RIMS1: variants seen among roughly 807,000 people sequenced by gnomAD.
RIMS1 encodes the protein regulating synaptic membrane exocytosis protein 1.
Under a neutral mutation model 214.1 loss-of-function variants are expected in RIMS1, and 83 were observed. The observed-to-expected ratio is 0.39, with a 90% CI of 0.32 to 0.47. The LOEUF is 0.47. RIMS1 is among the 20% of genes least tolerant of loss of function. The probability of loss-of-function intolerance (pLI) is 0.99; values close to 1 mark genes in which losing one functional copy is unlikely to be tolerated. For synonymous variants in RIMS1, 793 were observed against 786.8 expected (o/e 1.01, Z -0.13); for missense variants, 2,050 against 2,161.8 (o/e 0.95, Z 1.03).
At chr6:72,379,192 G>A (rs1025304904) in intron 29 of RIMS1, among the ~76,000 whole-genome samples, 1 of 152,226 alleles carries the variant, frequency 6.6e-6, no homozygotes, top group African/African-American at 2.4e-5. Flanking sequence ...GGCACACACA[G>A]ATAGTGTTTA....
At chr6:72,266,273 T>G in intron 22 of RIMS1, 1 of 555,232 alleles carries the variant, frequency 1.8e-6, no homozygotes, top group Non-Finnish European at 3.2e-6. Context: ...TTGTTGCAAA[T>G]GGCGTGGTGT....
At chr6:71,973,204 G>C (rs9446522) in intron 2 of RIMS1, among the ~76,000 whole-genome samples, 2 of 152,052 alleles carry the variant, frequency 1.3e-5, no homozygotes, top group African/African-American at 4.8e-5. Context: ...CACTGCGCCC[G>C]GACAGTAATA....
At chr6:72,013,071 G>T (rs551607546) in intron 2 of RIMS1, among the ~76,000 whole-genome samples, 1 of 152,258 alleles carries the variant, frequency 6.6e-6, no homozygotes, top group East Asian at 1.9e-4. Context: ...CACTGCTAGG[G>T]TGGATTTTAT....
At chr6:72,218,097 G>A (rs1323266082) in intron 6 of RIMS1, among the ~76,000 whole-genome samples, 1 of 71,838 alleles carries the variant, frequency 1.4e-5, no homozygotes, top group African/African-American at 5.1e-5. Flanking sequence ...TAAATACAGC[G>A]GTTTTTTTGC....
intron 4 of RIMS1, among the ~76,000 whole-genome samples, chr6:72,119,061 A>G (rs1216508901): frequency 6.6e-6 from 1 of 151,746 alleles, no homozygotes; most frequent in Non-Finnish European, 1.5e-5. Flanking sequence ...ATATGATTGT[A>G]TACCTAAAAA....
intron 26 of RIMS1, among the ~76,000 whole-genome samples, chr6:72,292,896 T>G (rs2093609590): frequency 6.6e-6 from 1 of 152,118 alleles, no homozygotes; most frequent in African/African-American, 2.4e-5. Flanking sequence ...ATGAAACAAC[T>G]GAAAGGTTAA....
intron 6 of RIMS1, among the ~76,000 whole-genome samples, chr6:72,209,381 G>A (rs2053447769): frequency 6.6e-6 from 1 of 152,114 alleles, no homozygotes; most frequent in Non-Finnish European, 1.5e-5. Flanking sequence ...TTATGAAAGA[G>A]GTTCTCAATC....
intron 28 of RIMS1, among the ~76,000 whole-genome samples, chr6:72,321,779 T>G (rs560967664): frequency 6.6e-5 from 10 of 152,224 alleles, no homozygotes; most frequent in African/African-American, 2.4e-4. Context: ...TTATCTAAGA[T>G]TTTTTTGTTC....
At chr6:72,213,692 C>T (rs1478461243) in intron 6 of RIMS1, among the ~76,000 whole-genome samples, 1 of 152,086 alleles carries the variant, frequency 6.6e-6, no homozygotes, top group Non-Finnish European at 1.5e-5. Context: ...AAGTTTGTGT[C>T]ACTTTTTTAA....
At chr6:72,229,251 T>C (rs2061228891) in intron 6 of RIMS1, among the ~76,000 whole-genome samples, 1 of 87,246 alleles carries the variant, frequency 1.1e-5, no homozygotes, top group African/African-American at 5.7e-5. Flanking sequence ...GGCCTGAATT[T>C]AGAATAAAAT....
At chr6:72,208,255 G>T (rs936961957) in intron 6 of RIMS1, among the ~76,000 whole-genome samples, 1 of 152,134 alleles carries the variant, frequency 6.6e-6, no homozygotes, top group African/African-American at 2.4e-5. Flanking sequence ...CTGCTCATCT[G>T]TTCATTAAGT....
chr6:72,285,318 T>C (rs2091919236), intron 24 of RIMS1, among the ~76,000 whole-genome samples: 1 of 152,150 alleles, frequency 6.6e-6, no homozygotes, highest in African/African-American at 2.4e-5. Flanking sequence ...GCTATCTCAA[T>C]AGGCCTAGTA....
At chr6:72,014,729 T>C (rs1014310526) in intron 2 of RIMS1, among the ~76,000 whole-genome samples, 1 of 152,358 alleles carries the variant, frequency 6.6e-6, no homozygotes, top group Admixed American at 6.5e-5. Context: ...ATGAGTTATC[T>C]AATTTTTCCA....
At chr6:72,102,989 A>C (rs2033946657) in intron 4 of RIMS1, among the ~76,000 whole-genome samples, 1 of 152,064 alleles carries the variant, frequency 6.6e-6, no homozygotes, top group African/African-American at 2.4e-5. Context: ...ACCCACTTTT[A>C]TGTTTTCTTC....
At chr6:71,992,956 T>C (rs2151632679) in intron 2 of RIMS1, among the ~76,000 whole-genome samples, 1 of 152,340 alleles carries the variant, frequency 6.6e-6, no homozygotes, top group African/African-American at 2.4e-5. Flanking sequence ...CCACCATGTC[T>C]GGCCTTTGTC....
intron 28 of RIMS1, among the ~76,000 whole-genome samples, chr6:72,324,057 T>TAGAC: frequency 6.6e-6 from 1 of 151,722 alleles, no homozygotes; most frequent in East Asian, 1.9e-4. Flanking sequence ...GATAGATAGA[T>TAGAC]AGATAGATAG....
At chr6:71,997,086 T>G (rs1269421873) in intron 2 of RIMS1, among the ~76,000 whole-genome samples, 1 of 152,202 alleles carries the variant, frequency 6.6e-6, no homozygotes, top group Non-Finnish European at 1.5e-5. Context: ...CATTTCTTAA[T>G]GACTACTCTG....
chr6:72,044,300 G>A (rs889541656), intron 2 of RIMS1, among the ~76,000 whole-genome samples: 2 of 151,656 alleles, frequency 1.3e-5, no homozygotes, highest in African/African-American at 4.8e-5. Context: ...TAAAACATCA[G>A]AGAAAATATT....
At chr6:72,318,172 C>G (rs1395168598) in intron 28 of RIMS1, among the ~76,000 whole-genome samples, 1 of 152,112 alleles carries the variant, frequency 6.6e-6, no homozygotes, top group African/African-American at 2.4e-5. Context: ...CACACAATCT[C>G]TATCATTTAA....
Sources: allele counts gnomAD v4.1 joint callset (sites outside exome capture counted in the v4.1 genomes callset), GRCh38; gene constraint gnomAD v4.1.1; transcripts MANE v1.5; gene names NCBI Gene and HGNC (gene_info 2026-07-23, HGNC 2026-07-21).